SHROOM2: variants seen among roughly 807,000 people sequenced by gnomAD.
The protein encoded by SHROOM2 is shroom family member 2.
Under a neutral mutation model 75.9 loss-of-function variants are expected in SHROOM2, and 33 were observed. The observed-to-expected ratio is 0.43, with a 90% CI of 0.33 to 0.58. SHROOM2 has a LOEUF of 0.58. Among genes scored for constraint, SHROOM2 ranks in the 20% least tolerant of loss-of-function variants. The pLI is 0.04. For synonymous variants in SHROOM2, 655 were observed against 663.6 expected, an observed-to-expected ratio of 0.99 and a Z score of 0.20; for missense variants, 1,434 against 1,461.2, an observed-to-expected ratio of 0.98 and a Z score of 0.30.
At chrX:9,901,918 A>G (rs1181566386) in intron 5 of SHROOM2, among the ~76,000 whole-genome samples, 1 of 98,605 alleles carries the variant, frequency 1.0e-5, no homozygotes, top group Non-Finnish European at 2.0e-5. Context: ...GGATGGATGG[A>G]GGGACTGGTG....
chrX:9,886,585 A>G (rs1381200756), intron 2 of SHROOM2, among the ~76,000 whole-genome samples: 4 of 111,639 alleles, frequency 3.6e-5, no homozygotes, highest in African/African-American at 1.3e-4. Context: ...TATATGCATT[A>G]AACAGCAACT....
intron 8 of SHROOM2, among the ~76,000 whole-genome samples, chrX:9,941,255 G>A (rs1371877169): frequency 1.8e-5 from 2 of 112,035 alleles, no homozygotes; most frequent in Non-Finnish European, 3.8e-5. Context: ...TTAGTGGAGG[G>A]ATGAGAGTGG....
chrX:9,949,227 T>A lies in SHROOM2; in HGVS notation c.*2290T>A. 3.5e-6 allele frequency: 1 copy of A among 289,547 alleles called. No homozygotes were observed. The highest frequency in any genetic ancestry group is 3.1e-5 in the South Asian group (1 of 31,981). 23.9% of individuals were successfully genotyped at this position (289,547 alleles called of 1,213,427 possible). On this transcript the variant is annotated 3_prime_UTR_variant, in exon 10 of 10. Transcript: ENST00000380913. ...TATTCATAGAAAATCAATCTGGTGCTAATGGTTGGCCCTGGTGTTGTTGGG... is the reference window on the plus strand; with the variant it reads ...TATTCATAGAAAATCAATCTGGTGCAAATGGTTGGCCCTGGTGTTGTTGGG...
intron 1 of SHROOM2, among the ~76,000 whole-genome samples, chrX:9,833,911 C>A (rs1004847835): frequency 5.4e-5 from 6 of 111,260 alleles, no homozygotes; most frequent in African/African-American, 2.0e-4. Flanking sequence ...CACACGTGTC[C>A]CTGGGCTTGT....
chrX:9,924,620 T>C (rs1298458376), intron 5 of SHROOM2, among the ~76,000 whole-genome samples: 2 of 109,800 alleles, frequency 1.8e-5, no homozygotes, highest in African/African-American at 6.7e-5. Context: ...CCTCCCTAAG[T>C]GTTGGGATTG....
At chrX:9,907,802 A>G (rs1013907405) in intron 5 of SHROOM2, among the ~76,000 whole-genome samples, 3 of 111,954 alleles carry the variant, frequency 2.7e-5, no homozygotes, top group African/African-American at 9.7e-5. Context: ...TTTTATTGGC[A>G]TGCAGCCACA....
intron 1 of SHROOM2, chrX:9,818,497 A>G (rs986437355): frequency 3.5e-5 from 9 of 255,857 alleles, no homozygotes; most frequent in Non-Finnish European, 5.9e-5. Context: ...AAAAATCTAC[A>G]TCATACATCT....
rs745730113 is a variant in SHROOM2 at position 9,894,693 on chromosome X, A to G, written c.785A>G (p.Glu262Gly). Residue 262 changes from glutamate to glycine, a missense_variant, in exon 4 of 10, where the codon GAG becomes GGG. Glu to Gly is a moderately conservative substitution (Grantham distance 98, BLOSUM62 -2). This residue lies in a region of SHROOM2 where 1,340 missense variants were observed against 1,338.3 expected (regional missense o/e 1.00). Coordinates refer to ENST00000380913, the MANE Select transcript of SHROOM2 (RefSeq NM_001649.4). ...AQAAGDPQGS[E>G]EKLSCFPPRV... ...GCCGCAGGCGACCCTCAGGGCTCGG[A>G]GGAGAAGCTCAGTTGTTTCCCGCCC... The G allele has an allele frequency of 8.3e-7, 1 of 1,210,323 alleles. No individual in the cohort carries two copies. The highest frequency in any genetic ancestry group is 1.1e-6 in the Non-Finnish European group (1 of 894,699).
chrX:9,942,728 C>T (rs769274170), intron 8 of SHROOM2, among the ~76,000 whole-genome samples: 9 of 111,667 alleles, frequency 8.1e-5, no homozygotes, highest in Non-Finnish European at 1.5e-4. Flanking sequence ...TCTCCAGCCC[C>T]GTCTTCTTGG....
chrX:9,864,886 G>A (rs1013751722), intron 1 of SHROOM2, among the ~76,000 whole-genome samples: 1 of 111,342 alleles, frequency 9.0e-6, no homozygotes, highest in Non-Finnish European at 1.9e-5. Flanking sequence ...GGTGACACAT[G>A]CCTGTAGTCC....
chrX:9,792,033 AT>A (rs1569132804), intron 1 of SHROOM2, among the ~76,000 whole-genome samples: 9,686 of 23,611 alleles, frequency 0.41, 1,386 homozygotes, highest in Middle Eastern at 0.52. Context: ...ATAGAATAGA[AT>A]AGAATAGAAT....
intron 1 of SHROOM2, among the ~76,000 whole-genome samples, chrX:9,820,982 C>A (rs1266744362): frequency 1.8e-5 from 2 of 112,389 alleles, no homozygotes; most frequent in African/African-American, 6.5e-5. Context: ...CAGTAATTGG[C>A]ATCCTGGCTG....
chrX:9,935,910 A>G (rs902511051), intron 6 of SHROOM2, among the ~76,000 whole-genome samples: 1 of 110,404 alleles, frequency 9.1e-6, no homozygotes, highest in African/African-American at 3.3e-5. Flanking sequence ...CTGCTTCTCC[A>G]GTGCTCTGAA....
chrX:9,840,383 T>C (rs998850854), intron 1 of SHROOM2, among the ~76,000 whole-genome samples: 4 of 111,707 alleles, frequency 3.6e-5, no homozygotes, highest in African/African-American at 1.3e-4. Flanking sequence ...TTCTCCCACC[T>C]CAGCTCCCCA....
At chrX:9,814,556 C>T (rs2083808717) in intron 1 of SHROOM2, among the ~76,000 whole-genome samples, 2 of 110,956 alleles carry the variant, frequency 1.8e-5, no homozygotes, top group Non-Finnish European at 3.8e-5. Flanking sequence ...GGGGGTGGCT[C>T]CTGAGAAGAA....
At chrX:9,808,367 G>C (rs1446244627) in intron 1 of SHROOM2, among the ~76,000 whole-genome samples, 1 of 94,068 alleles carries the variant, frequency 1.1e-5, no homozygotes, top group Admixed American at 1.3e-4. Context: ...AATATAGTGA[G>C]ACTCTGTCTC....
chrX:9,906,175 T>TA (rs984271719), intron 5 of SHROOM2, among the ~76,000 whole-genome samples: 11 of 110,703 alleles, frequency 9.9e-5, no homozygotes, highest in South Asian at 3.8e-4. Context: ...AGCAGTCTAA[T>TA]AAAAAAAAAT....
At chrX:9,925,540 G>A (rs1456332824) in intron 5 of SHROOM2, among the ~76,000 whole-genome samples, 1 of 112,480 alleles carries the variant, frequency 8.9e-6, no homozygotes, top group South Asian at 3.6e-4. Flanking sequence ...AGCGTTCCAC[G>A]TTCCATGCTC....
At chrX:9,810,945 C>G (rs777793504) in intron 1 of SHROOM2, among the ~76,000 whole-genome samples, 1 of 107,232 alleles carries the variant, frequency 9.3e-6, no homozygotes, top group African/African-American at 3.8e-5. Flanking sequence ...TGCCACACTT[C>G]TTTAGCTATG....
Sources: allele counts gnomAD v4.1 joint callset (sites outside exome capture counted in the v4.1 genomes callset), GRCh38; gene constraint gnomAD v4.1.1; regional missense constraint gnomAD v4.1.1; transcripts MANE v1.5; gene names NCBI Gene and HGNC (gene_info 2026-07-23, HGNC 2026-07-21).